USH2A: variants seen among roughly 807,000 people sequenced by gnomAD.
The protein encoded by USH2A is usherin.
A neutral mutation model predicts 538.9 loss-of-function variants in USH2A; 443 were observed. That is an observed-to-expected ratio of 0.82 (90% CI 0.76 to 0.89). The LOEUF (loss-of-function observed/expected upper bound fraction) is 0.89. Ranked by LOEUF, USH2A falls within the 40% of genes least tolerant of loss-of-function variation. The pLI is 0.00. For missense variants in USH2A, 6,633 were observed against 6,324.8 expected, an observed-to-expected ratio of 1.05 and a Z score of -1.65; for synonymous variants, 2,413 against 2,273.5, an observed-to-expected ratio of 1.06 and a Z score of -1.75.
intron 38 of USH2A, among the ~76,000 whole-genome samples, chr1:215,902,732 A>G (rs1437990200): frequency 6.6e-6 from 1 of 152,124 alleles, no homozygotes; most frequent in Non-Finnish European, 1.5e-5. Flanking sequence ...CACTGGCATG[A>G]GGGAGGTAGC....
At chr1:216,248,219 C>T (rs1271125468) in intron 12 of USH2A, among the ~76,000 whole-genome samples, 2 of 151,994 alleles carry the variant, frequency 1.3e-5, no homozygotes, top group East Asian at 1.9e-4. Context: ...TACACATATA[C>T]ATTTTACGAA....
At chr1:215,754,896 A>G (rs1206758846) in intron 58 of USH2A, among the ~76,000 whole-genome samples, 1 of 152,062 alleles carries the variant, frequency 6.6e-6, no homozygotes, top group Non-Finnish European at 1.5e-5. Context: ...AGATTTTTGG[A>G]TGGGTAGGTA....
intron 3 of USH2A, among the ~76,000 whole-genome samples, chr1:216,408,262 A>G (rs1226005675): frequency 5.3e-5 from 8 of 152,160 alleles, no homozygotes; most frequent in Admixed American, 2.6e-4. Flanking sequence ...AGACTGGCAA[A>G]AGGCAAACAC....
chr1:215,742,024 C>A (rs763183321), intron 59 of USH2A, among the ~76,000 whole-genome samples: 1 of 152,080 alleles, frequency 6.6e-6, no homozygotes, highest in Non-Finnish European at 1.5e-5. Flanking sequence ...TTCAGGGACA[C>A]GGAGATGCAG....
chr1:215,998,314 T>A (rs998177492), intron 34 of USH2A, among the ~76,000 whole-genome samples: 14 of 152,112 alleles, frequency 9.2e-5, no homozygotes, highest in Admixed American at 7.9e-4. Flanking sequence ...GACCTTTGTG[T>A]AAAAGTGCTA....
intron 55 of USH2A, among the ~76,000 whole-genome samples, chr1:215,779,467 C>T (rs1424568342): frequency 6.6e-6 from 1 of 152,188 alleles, no homozygotes; most frequent in Non-Finnish European, 1.5e-5. Flanking sequence ...ATGTTAACCT[C>T]TGGCTGATTT....
intron 38 of USH2A, among the ~76,000 whole-genome samples, chr1:215,932,417 C>T (rs1666388186): frequency 6.6e-6 from 1 of 151,956 alleles, no homozygotes; most frequent in Admixed American, 6.6e-5. Flanking sequence ...TGCTTTTCAG[C>T]ATGATTTTTA....
intron 38 of USH2A, among the ~76,000 whole-genome samples, chr1:215,918,309 G>A (rs973826822): frequency 5.9e-5 from 9 of 151,998 alleles, no homozygotes; most frequent in Admixed American, 1.3e-4. Flanking sequence ...AATTCTCACC[G>A]CCAAGGAGAT....
At chr1:216,034,928 A>C (rs1344056406) in intron 32 of USH2A, among the ~76,000 whole-genome samples, 1 of 152,230 alleles carries the variant, frequency 6.6e-6, no homozygotes, top group Non-Finnish European at 1.5e-5. Flanking sequence ...ACTCCTATAA[A>C]GAATCAAAGA....
chr1:216,385,524 T>C (rs2038989698), intron 3 of USH2A, among the ~76,000 whole-genome samples: 1 of 152,150 alleles, frequency 6.6e-6, no homozygotes, highest in African/African-American at 2.4e-5. Context: ...GTGACAGAAT[T>C]ATTAGAGCCT....
intron 64 of USH2A, among the ~76,000 whole-genome samples, chr1:215,657,769 C>G (rs536857426): frequency 6.6e-6 from 1 of 152,152 alleles, no homozygotes; most frequent in Admixed American, 6.5e-5. Flanking sequence ...GGAAAAATAA[C>G]AAGACATTTC....
intron 49 of USH2A, among the ~76,000 whole-genome samples, chr1:215,805,432 C>A (rs936414598): frequency 1.3e-5 from 2 of 151,790 alleles, no homozygotes; most frequent in Non-Finnish European, 2.9e-5. Flanking sequence ...TTGAAGATAA[C>A]AGGGAGTGGA....
At chr1:216,010,616 G>A (rs1668537195) in intron 32 of USH2A, among the ~76,000 whole-genome samples, 1 of 151,808 alleles carries the variant, frequency 6.6e-6, no homozygotes, top group Non-Finnish European at 1.5e-5. Context: ...TCAAGGGCCT[G>A]TTTCCCTTGC....
At chr1:215,998,080 A>G (rs1668179160) in intron 34 of USH2A, among the ~76,000 whole-genome samples, 1 of 152,124 alleles carries the variant, frequency 6.6e-6, no homozygotes, top group Non-Finnish European at 1.5e-5. Flanking sequence ...AAATTTATTC[A>G]TAATCAAGAG....
rs2102742330 is a variant in USH2A at position 215,759,819 on chromosome 1, A to T, written c.11072T>A (p.Ile3691Asn). Residue 3691 changes from isoleucine (I) to asparagine (N), a missense_variant, in exon 57 of 72, where the codon ATT (isoleucine) becomes AAT (asparagine). By Grantham distance (149) the Ile-to-Asn change is moderately radical. Coordinates refer to ENST00000307340, the MANE Select transcript of USH2A (RefSeq NM_206933.4). ...PEGVWVTPRH[I>N]IINSTTVELY... is the part of the protein sequence containing the mutation. ...TTCCACTGTTGTAGAATTGATGATA[A>T]TGTGTCGAGGTGTCACCCAAACTCC... 1.2e-6 allele frequency: 2 copies of T among 1,614,020 alleles called. No homozygotes were observed. The highest frequency in any genetic ancestry group is 1.7e-6 in the Non-Finnish European group (2 of 1,179,882).
intron 3 of USH2A, among the ~76,000 whole-genome samples, chr1:216,406,172 A>G (rs2039391559): frequency 6.6e-6 from 1 of 152,178 alleles, no homozygotes; most frequent in Admixed American, 6.6e-5. Flanking sequence ...ACATATACAC[A>G]TAGGAATATA....
chr1:215,970,654 T>G lies in USH2A; in HGVS notation c.6928A>C (p.Thr2310Pro). The G allele has an allele frequency of 1.2e-6, 2 of 1,613,650 alleles. No homozygotes were observed. The highest frequency in any genetic ancestry group is 1.7e-6 in the Non-Finnish European group (2 of 1,179,722). ...GGGCCCAGAGCACAACCTTTGGCCGTGCATGCTTGGACTCTGAAGGAATGT... is the reference window on the plus strand; with the variant it reads ...GGGCCCAGAGCACAACCTTTGGCCGGGCATGCTTGGACTCTGAAGGAATGT... ...SLHSFRVQAC[T>P]AKGCALGPLV... The change falls in exon 36 of 72, where the codon ACG becomes CCG. Residue 2310 changes from threonine to proline, a missense_variant. Physicochemically the swap from Thr to Pro is conservative, Grantham distance 38. Transcript: ENST00000307340.
At chr1:215,816,167 G>A (rs1662853460) in intron 48 of USH2A, among the ~76,000 whole-genome samples, 1 of 151,896 alleles carries the variant, frequency 6.6e-6, no homozygotes, top group African/African-American at 2.4e-5. Context: ...ATACAAATAT[G>A]TTCATCAGAT....
chr1:215,921,429 G>A (rs1325064443), intron 38 of USH2A, among the ~76,000 whole-genome samples: 2 of 151,886 alleles, frequency 1.3e-5, no homozygotes, highest in African/African-American at 4.8e-5. Context: ...TTTAGAGCAT[G>A]GGTTATACAG....
Sources: gnomAD v4.1 joint callset for allele counts (sites outside exome capture counted in the v4.1 genomes callset) on GRCh38, gnomAD v4.1.1 for gene constraint, MANE v1.5 for transcripts, NCBI Gene and HGNC (gene_info 2026-07-23, HGNC 2026-07-21) for gene names.